Variants in ITGBL1 observed in about 807,000 individuals in gnomAD.
ITGBL1 encodes the protein integrin subunit beta like 1, also known as integrin beta-like protein 1.
A neutral mutation model predicts 68.5 loss-of-function variants in ITGBL1; 51 were observed. The ratio of observed to expected loss-of-function variants is 0.74; its 90% CI spans 0.59 to 0.94. ITGBL1 has a LOEUF of 0.94. Among genes scored for constraint, ITGBL1 ranks in the 40% least tolerant of loss-of-function variants. The probability of loss-of-function intolerance (pLI) is 0.00; values close to 1 mark genes in which losing one functional copy is unlikely to be tolerated. For missense variants in ITGBL1, 649 were observed against 647.4 expected (o/e 1.00, Z -0.03); for synonymous variants, 209 against 227.3 (o/e 0.92, Z 0.72).
At chr13:101,569,146 G>A (rs2050232952) in intron 3 of ITGBL1, among the ~76,000 whole-genome samples, 1 of 151,006 alleles carries the variant, frequency 6.6e-6, no homozygotes, top group South Asian at 2.1e-4. Context: ...ATGCCCCATA[G>A]CGTCTTTCAT....
intron 7 of ITGBL1, among the ~76,000 whole-genome samples, chr13:101,615,032 G>T (rs1221871913): frequency 1.3e-5 from 2 of 152,144 alleles, no homozygotes; most frequent in Non-Finnish European, 2.9e-5. Flanking sequence ...CCACAGCTCT[G>T]GAGATCAGAA....
intron 7 of ITGBL1, among the ~76,000 whole-genome samples, chr13:101,601,681 ATTTCG>A (rs2139335594): frequency 6.6e-6 from 1 of 151,988 alleles, no homozygotes; most frequent in Non-Finnish European, 1.5e-5. Flanking sequence ...TTCTTCCTTC[ATTTCG>A]TTATGTACCC....
intron 4 of ITGBL1, among the ~76,000 whole-genome samples, chr13:101,576,666 T>G (rs2050364923): frequency 6.6e-6 from 1 of 152,198 alleles, no homozygotes; most frequent in African/African-American, 2.4e-5. Context: ...CTTGTTCTTT[T>G]GTTTACATTT....
At chr13:101,694,108 A>G (rs1489535273) in intron 8 of ITGBL1, among the ~76,000 whole-genome samples, 1 of 152,178 alleles carries the variant, frequency 6.6e-6, no homozygotes, top group Non-Finnish European at 1.5e-5. Context: ...TTCAGCTCTG[A>G]TATTTAGTTC....
At chr13:101,570,204 A>T (rs887627991) in intron 3 of ITGBL1, among the ~76,000 whole-genome samples, 5 of 152,204 alleles carry the variant, frequency 3.3e-5, no homozygotes, top group Non-Finnish European at 7.4e-5. Context: ...TTGATTTGTT[A>T]TTCATTTTGT....
chr13:101,638,244 A>G lies in ITGBL1; in HGVS notation c.1015+39945A>G, dbSNP rs186911675. 4.1e-4 allele frequency among the ~76,000 whole-genome samples: 63 copies of G among 152,284 alleles called. 1 individual carries two copies. Among genetic ancestry groups the G allele is most frequent in the Non-Finnish European group, 1.6e-4 (11 of 68,010 alleles). Reference sequence around the variant, plus strand: ...AAGGTAATTAATGCCATATAAAAGCAAAAACATTACATCTGTAATTGCTAC... The same window carrying G: ...AAGGTAATTAATGCCATATAAAAGCGAAAACATTACATCTGTAATTGCTAC... On this transcript the variant is annotated intron_variant, in intron 7 of 10. Transcript: ENST00000376180.
chr13:101,596,624 G>A (rs1452114192), intron 6 of ITGBL1, among the ~76,000 whole-genome samples: 2 of 152,084 alleles, frequency 1.3e-5, no homozygotes, highest in African/African-American at 2.4e-5. Flanking sequence ...CTGAATTCTA[G>A]ATTTCATGCT....
intron 7 of ITGBL1, among the ~76,000 whole-genome samples, chr13:101,685,796 C>A (rs1403135064): frequency 2.0e-5 from 3 of 147,010 alleles, no homozygotes; most frequent in Non-Finnish European, 2.9e-5. Context: ...CAGGGCTGAG[C>A]CATGGGGCAA....
At position 101,668,687 on chromosome 13, in the gene ITGBL1, A is replaced by G. The variant is rs115126175; in HGVS notation, c.1016-23898A>G. Reference sequence around the variant, plus strand: ...GTTTAAAATAAATAGGTGAATATAAATGGTATAAATGTGTATAAATGAACT... The same window carrying G: ...GTTTAAAATAAATAGGTGAATATAAGTGGTATAAATGTGTATAAATGAACT... On this transcript the variant is annotated intron_variant, in intron 7 of 10. Transcript: ENST00000376180. Among the ~76,000 whole-genome samples, 1,232 of 152,322 alleles carry G rather than the reference A, an allele frequency of 8.1e-3. 19 individuals carry two copies. The highest frequency in any genetic ancestry group is 0.027 in the African/African-American group (1,143 of 41,578).
At chr13:101,583,416 A>T (rs1454813281) in intron 6 of ITGBL1, 60 bp downstream of exon 6, 5 of 443,830 alleles carry the variant, frequency 1.1e-5, no homozygotes, top group Non-Finnish European at 1.5e-5. Flanking sequence ...TTAATGGGTA[A>T]AAAAAAAAAA....
At chr13:101,639,580 A>C (rs1566769962) in intron 7 of ITGBL1, among the ~76,000 whole-genome samples, 2 of 152,218 alleles carry the variant, frequency 1.3e-5, no homozygotes, top group Non-Finnish European at 2.9e-5. Flanking sequence ...TACTACATTG[A>C]ATAGACTCAG....
intron 7 of ITGBL1, among the ~76,000 whole-genome samples, chr13:101,633,387 A>G (rs1387666097): frequency 6.6e-6 from 1 of 152,204 alleles, no homozygotes; most frequent in Non-Finnish European, 1.5e-5. Flanking sequence ...GACAATTTCA[A>G]AAAGTGTATG....
At chr13:101,708,782 A>G (rs1157645712) in intron 9 of ITGBL1, among the ~76,000 whole-genome samples, 2 of 152,220 alleles carry the variant, frequency 1.3e-5, no homozygotes, top group African/African-American at 4.8e-5. Context: ...TCTGTGTTCA[A>G]CACTTGTATT....
chr13:101,654,756 A>G (rs932773983), intron 7 of ITGBL1, among the ~76,000 whole-genome samples: 1 of 152,096 alleles, frequency 6.6e-6, no homozygotes, highest in Non-Finnish European at 1.5e-5. Flanking sequence ...CAGAATGCAG[A>G]TCGGTGTAAA....
chr13:101,586,194 C>A (rs911863801), intron 6 of ITGBL1, among the ~76,000 whole-genome samples: 2 of 152,208 alleles, frequency 1.3e-5, no homozygotes, highest in African/African-American at 4.8e-5. Context: ...TCCAACCCCT[C>A]TTCCCTGTTT....
At chr13:101,530,453 C>A (rs1295760931) in intron 2 of ITGBL1, among the ~76,000 whole-genome samples, 1 of 152,116 alleles carries the variant, frequency 6.6e-6, no homozygotes, top group Non-Finnish European at 1.5e-5. Context: ...TCCTTTTCCC[C>A]ACCCAGGGTT....
At position 101,716,286 on chromosome 13, in the gene ITGBL1, A is replaced by C. The variant is rs2034718979; in HGVS notation, c.*632A>C. The C allele has an allele frequency of 6.6e-6, 1 of 152,304 alleles. No homozygotes were observed. The highest frequency in any genetic ancestry group is 2.1e-4 in the South Asian group (1 of 4,832). 9.4% of individuals were successfully genotyped at this position (152,304 alleles called of 1,614,324 possible). Reference sequence around the variant, plus strand: ...AGAATATCAGAGTGGGGCTGGATCAAGGGCAAAAACTGGTCATTAAGTCAT... The same window carrying C: ...AGAATATCAGAGTGGGGCTGGATCACGGGCAAAAACTGGTCATTAAGTCAT... On this transcript the variant is annotated 3_prime_UTR_variant, in exon 11 of 11. Coordinates refer to ENST00000376180, the MANE Select transcript of ITGBL1 (RefSeq NM_004791.3).
chr13:101,654,462 A>G (rs2032858450), intron 7 of ITGBL1, among the ~76,000 whole-genome samples: 1 of 152,162 alleles, frequency 6.6e-6, no homozygotes, highest in African/African-American at 2.4e-5. Context: ...ATGGTATCAT[A>G]ATTTCCATTT....
At chr13:101,687,334 A>G (rs2033777468) in intron 7 of ITGBL1, among the ~76,000 whole-genome samples, 1 of 152,030 alleles carries the variant, frequency 6.6e-6, no homozygotes, top group Non-Finnish European at 1.5e-5. Flanking sequence ...TCTTATGAGA[A>G]AAAAATGTAC....
Sources: allele counts gnomAD v4.1 joint callset (sites outside exome capture counted in the v4.1 genomes callset), GRCh38; gene constraint gnomAD v4.1.1; transcripts MANE v1.5; gene names NCBI Gene and HGNC (gene_info 2026-07-23, HGNC 2026-07-21).